The following MCUB variants were observed in gnomAD, a reference collection of about 807,000 sequenced individuals.
MCUB encodes mitochondrial calcium uniporter dominant negative subunit beta, also known as calcium uniporter regulatory subunit MCUb, mitochondrial.
Under a neutral mutation model 41.4 loss-of-function variants are expected in MCUB, and 46 were observed. The observed-to-expected ratio is 1.11, with a 90% confidence interval of 0.88 to 1.42. The LOEUF (loss-of-function observed/expected upper bound fraction) is 1.42, where lower values mean the gene tolerates loss of function less well. Ranked by LOEUF, MCUB falls within the 40% of genes most tolerant of loss-of-function variation. The pLI is 0.00. For synonymous variants in MCUB, 148 were observed against 148.2 expected, an observed-to-expected ratio of 1.00 and a Z score of 0.01; for missense variants, 403 against 404.9, an observed-to-expected ratio of 1.00 and a Z score of 0.04.
chr4:109,640,516 C>T, intron 1 of MCUB, among the ~76,000 whole-genome samples: 1 of 152,250 alleles, frequency 6.6e-6, no homozygotes, highest in Non-Finnish European at 1.5e-5. Context: ...GGATAACTTG[C>T]TCCAACTTCT....
chr4:109,678,937 A>AAT, intron 4 of MCUB, among the ~76,000 whole-genome samples: 1 of 70,620 alleles, frequency 1.4e-5, no homozygotes, highest in South Asian at 5.3e-4. Flanking sequence ...CATCCCAGAC[A>AAT]GGGTGGCCGG....
intron 1 of MCUB, among the ~76,000 whole-genome samples, chr4:109,643,250 A>G (rs957147893): frequency 6.8e-6 from 1 of 146,624 alleles, no homozygotes; most frequent in Non-Finnish European, 1.5e-5. Flanking sequence ...CAATGGCGCA[A>G]TCTTGGCTCA....
At chr4:109,571,564 C>T (rs537314767) in intron 1 of MCUB, among the ~76,000 whole-genome samples, 6 of 152,300 alleles carry the variant, frequency 3.9e-5, no homozygotes, top group East Asian at 1.9e-4. Flanking sequence ...CCACCCTCCT[C>T]GGCCTCCCAA....
intron 4 of MCUB, among the ~76,000 whole-genome samples, chr4:109,679,398 C>A (rs1193911349): frequency 6.6e-6 from 1 of 152,230 alleles, no homozygotes; most frequent in South Asian, 2.1e-4. Flanking sequence ...GCAATCCCAG[C>A]ACCTCGGGAG....
chr4:109,641,244 C>G (rs1269913445), intron 1 of MCUB, among the ~76,000 whole-genome samples: 2 of 150,986 alleles, frequency 1.3e-5, no homozygotes, highest in African/African-American at 2.4e-5. Context: ...GGGCGCCCGC[C>G]ATAACACCCG....
At chr4:109,609,785 A>G (rs1243073317) in intron 1 of MCUB, among the ~76,000 whole-genome samples, 5 of 152,100 alleles carry the variant, frequency 3.3e-5, no homozygotes, top group East Asian at 1.9e-4. Flanking sequence ...GCTACTGCCT[A>G]TGTTCACTCA....
chr4:109,682,491 A>G (rs1456510454), intron 4 of MCUB, 91 bp from the exon 5 acceptor site: 10 of 1,021,620 alleles, frequency 9.8e-6, no homozygotes, highest in African/African-American at 1.6e-5. Context: ...TCCTAAGATA[A>G]TATTTGGAAA....
At chr4:109,676,854 AGAG>A (rs1203306371) in intron 4 of MCUB, among the ~76,000 whole-genome samples, 2 of 152,280 alleles carry the variant, frequency 1.3e-5, no homozygotes, top group African/African-American at 2.4e-5. Context: ...CAGTAAAATG[AGAG>A]GAGAATAGAT....
intron 4 of MCUB, among the ~76,000 whole-genome samples, chr4:109,669,246 A>G (rs1729405765): frequency 6.6e-6 from 1 of 152,112 alleles, no homozygotes; most frequent in African/African-American, 2.4e-5. Flanking sequence ...TTTGTTTGAA[A>G]ATATCTTTGT....
At chr4:109,685,523 T>C (rs1274249559) in intron 7 of MCUB, among the ~76,000 whole-genome samples, 156 bp downstream of exon 7, 1 of 152,240 alleles carries the variant, frequency 6.6e-6, no homozygotes, top group Non-Finnish European at 1.5e-5. Context: ...ATATTTCATA[T>C]TAATTTCATA....
At chr4:109,624,522 A>G (rs1245829015) in intron 1 of MCUB, among the ~76,000 whole-genome samples, 1 of 152,252 alleles carries the variant, frequency 6.6e-6, no homozygotes, top group Admixed American at 6.5e-5. Context: ...TGAAACAGTA[A>G]CAAGATACTA....
chr4:109,609,577 T>C (rs1727953717), intron 1 of MCUB, among the ~76,000 whole-genome samples: 1 of 152,202 alleles, frequency 6.6e-6, no homozygotes, highest in South Asian at 2.1e-4. Flanking sequence ...TGACTTAGAA[T>C]GTCTAACCTC....
At chr4:109,648,517 TCCAGA>T in intron 1 of MCUB, 3 of 383,350 alleles carry the variant, frequency 7.8e-6, no homozygotes, top group Non-Finnish European at 1.5e-5. Flanking sequence ...TCTTGGGCTG[TCCAGA>T]CCAGAAGAAG....
chr4:109,657,548 A>T (rs1405131215), intron 1 of MCUB, among the ~76,000 whole-genome samples: 1 of 152,074 alleles, frequency 6.6e-6, no homozygotes, highest in Non-Finnish European at 1.5e-5. Context: ...ATTGTTAATA[A>T]ACTACTGTAA....
chr4:109,654,788 T>C (rs1729052066), intron 1 of MCUB, among the ~76,000 whole-genome samples: 1 of 152,178 alleles, frequency 6.6e-6, no homozygotes, highest in African/African-American at 2.4e-5. Flanking sequence ...AATGCTCATA[T>C]GGGTTACTAT....
At chr4:109,614,058 T>C (rs1728074950) in intron 1 of MCUB, among the ~76,000 whole-genome samples, 1 of 152,216 alleles carries the variant, frequency 6.6e-6, no homozygotes, top group Non-Finnish European at 1.5e-5. Flanking sequence ...ATATTCCTAA[T>C]GTTAGAGGAC....
intron 1 of MCUB, among the ~76,000 whole-genome samples, chr4:109,595,840 G>A (rs1296493801): frequency 6.6e-6 from 1 of 152,130 alleles, no homozygotes; most frequent in Non-Finnish European, 1.5e-5. Context: ...AGTAGGGGTG[G>A]GGGTAATATC....
At chr4:109,646,220 CTACCCTTA>C (rs2126141489) in intron 1 of MCUB, among the ~76,000 whole-genome samples, 1 of 152,254 alleles carries the variant, frequency 6.6e-6, no homozygotes, top group East Asian at 1.9e-4. Context: ...TGACTAACAT[CTACCCTTA>C]CATAATCACA....
intron 1 of MCUB, among the ~76,000 whole-genome samples, chr4:109,625,849 A>G (rs1728349309): frequency 6.6e-6 from 1 of 152,226 alleles, no homozygotes; most frequent in Non-Finnish European, 1.5e-5. Flanking sequence ...TCCATTGAGT[A>G]TACAGTAGTC....
Sources: allele counts gnomAD v4.1 joint callset (sites outside exome capture counted in the v4.1 genomes callset), GRCh38; gene constraint gnomAD v4.1.1; transcripts MANE v1.5; gene names NCBI Gene and HGNC (gene_info 2026-07-23, HGNC 2026-07-21).